CTNS: variants seen among roughly 807,000 people sequenced by gnomAD.
CTNS encodes the protein cystinosin.
In CTNS, 27 loss-of-function variants were observed where a neutral mutation model predicts 43.7. The ratio of observed to expected loss-of-function variants is 0.62; its 90% CI spans 0.46 to 0.85. The LOEUF (loss-of-function observed/expected upper bound fraction) is 0.85. Among genes scored for constraint, CTNS ranks in the 40% least tolerant of loss-of-function variants. The probability of loss-of-function intolerance (pLI) is 0.00; values close to 1 mark genes in which losing one functional copy is unlikely to be tolerated. For missense variants in CTNS, 457 were observed against 475.4 expected (o/e 0.96, Z 0.36); for synonymous variants, 187 against 190.6 (o/e 0.98, Z 0.16).
rs552349916 is a variant in CTNS at position 3,650,221 on chromosome 17, T to C, written c.225+1290T>C. Reference sequence around the variant, plus strand: ...AATGCAGGGATGAGATCAGTAGCCATGAGGCACATCAAGATGGGCTGCAAA... The same window carrying C: ...AATGCAGGGATGAGATCAGTAGCCACGAGGCACATCAAGATGGGCTGCAAA... On this transcript the variant is annotated intron_variant, in intron 5 of 11. Transcript: ENST00000046640. 6.4e-6 allele frequency: 10 copies of C among 1,550,562 alleles called. No individual in the cohort carries two copies. The South Asian group carries it at 1.1e-4, about 17-fold the overall frequency.
chr17:3,641,355 GATACATATATAT>G (rs141364687), intron 3 of CTNS, among the ~76,000 whole-genome samples: 4,727 of 62,608 alleles, frequency 0.076, 798 homozygotes, highest in South Asian at 0.092. Flanking sequence ...ACAAAAATCA[GATACATATATAT>G]ATATATATAT....
In CTNS at chr17:3,655,276, G is replaced by T. The variant is rs1350604465; in HGVS notation, c.385G>T (p.Val129Leu). ...RSSAISIINQVIGWIYFVAWS... is the reference protein window; with the variant it reads ...RSSAISIINQLIGWIYFVAWS... ...CAGCGCCATTAGCATCATAAACCAGGTGATTGGCTGGATCTACTTTGTGGC... is the reference window on the plus strand; with the variant it reads ...CAGCGCCATTAGCATCATAAACCAGTTGATTGGCTGGATCTACTTTGTGGC... The change falls in exon 7 of 12, where the codon GTG becomes TTG. Residue 129 changes from valine (V) to leucine (L), a missense_variant. By Grantham distance (32) the Val-to-Leu change is conservative. Coordinates refer to ENST00000046640, the MANE Select transcript of CTNS (RefSeq NM_004937.3). 6.2e-7 allele frequency: 1 copy of T among 1,614,190 alleles called. No homozygotes were observed. Among genetic ancestry groups the T allele is most frequent in the East Asian group, 2.2e-5 (1 of 44,864 alleles).
chr17:3,636,568 T>C (rs1362403157), upstream of CTNS: 5 of 258,222 alleles, frequency 1.9e-5, no homozygotes, highest in African/African-American at 8.9e-5. Flanking sequence ...GCGGACCTCA[T>C]CTTCCCTCAC....
intron 3 of CTNS, among the ~76,000 whole-genome samples, chr17:3,641,460 C>T (rs2075705986): frequency 7.5e-6 from 1 of 134,084 alleles, no homozygotes; most frequent in Admixed American, 8.2e-5. Context: ...GGCACGATCT[C>T]AGCCCACTGC....
At position 3,660,605 on chromosome 17, in the gene CTNS, CTTTTCT is replaced by C; in HGVS notation, c.*239_*244del. ...CACCGTCGCCTTGACACCGCCATCT[CTTTTCT>C]TTAAGGCTTCAGGCAGCGCGCACAG... On this transcript the variant is annotated 3_prime_UTR_variant, in exon 12 of 12. Coordinates refer to ENST00000046640, the MANE Select transcript of CTNS (RefSeq NM_004937.3). The C allele has an allele frequency of 6.2e-7, 1 of 1,613,380 alleles. No homozygotes were observed. The highest frequency in any genetic ancestry group is 1.1e-5 in the South Asian group (1 of 91,092).
chr17:3,660,735 C>A lies in CTNS; in HGVS notation c.*366C>A. 6.2e-7 allele frequency: 1 copy of A among 1,613,430 alleles called. No homozygotes were observed. The highest frequency in any genetic ancestry group is 8.5e-7 in the Non-Finnish European group (1 of 1,180,018). ...TTCTGCAAGCAGCTTGAAGGGCTGA[C>A]CTTGCAGCCGGGTGAGCCAAGGGCA... On this transcript the variant is annotated 3_prime_UTR_variant, in exon 12 of 12. Coordinates refer to ENST00000046640, the MANE Select transcript of CTNS (RefSeq NM_004937.3).
chr17:3,658,668 G>A, intron 10 of CTNS, among the ~76,000 whole-genome samples: 1 of 152,240 alleles, frequency 6.6e-6, no homozygotes, highest in East Asian at 1.9e-4. Context: ...GCTGCACCCG[G>A]GGACCTAGGG....
At chr17:3,656,818 A>C in intron 9 of CTNS, 23 bp downstream of exon 9, 1 of 1,612,124 alleles carries the variant, frequency 6.2e-7, no homozygotes. Context: ...CTGGCCCCCC[A>C]CAGGCCACCC....
In CTNS at chr17:3,661,809, A is replaced by AG. The variant is rs2076282383; in HGVS notation, c.*1443dup. Among the ~76,000 whole-genome samples, 1 of 151,958 alleles carries AG rather than the reference A, an allele frequency of 6.6e-6. No homozygotes were observed. Among genetic ancestry groups the AG allele is most frequent in the Non-Finnish European group, 1.5e-5 (1 of 67,990 alleles). ...TGAGCCGGGGTGGATGAGGTTCTGA[A>AG]GGGCACACCAGCACTGGGAGCGGGG... On this transcript the variant is annotated 3_prime_UTR_variant, in exon 12 of 12. Transcript: ENST00000046640.
At chr17:3,644,036 T>C (rs530740691) in intron 3 of CTNS, among the ~76,000 whole-genome samples, 1 of 152,278 alleles carries the variant, frequency 6.6e-6, no homozygotes, top group African/African-American at 2.4e-5. Context: ...GTGACTCATT[T>C]TGTAAATCTG....
chr17:3,661,098 T>G lies in CTNS; in HGVS notation c.*729T>G. 2.8e-6 allele frequency: 1 copy of G among 356,720 alleles called. No homozygotes were observed. Among genetic ancestry groups the G allele is most frequent in the Non-Finnish European group, 5.5e-6 (1 of 183,072 alleles). The allele number at this position is 356,720 out of a possible 1,614,324, so 22.1% of individuals were successfully genotyped here. On this transcript the variant is annotated 3_prime_UTR_variant, in exon 12 of 12. Transcript: ENST00000046640. ...TTCTGCCCTCTCTCCTACCTCCACC[T>G]TCTCAGATTAGCCCCATCTGAGCAC...
intron 5 of CTNS, among the ~76,000 whole-genome samples, chr17:3,649,885 G>A (rs1219078993): frequency 2.6e-5 from 4 of 152,204 alleles, no homozygotes; most frequent in Non-Finnish European, 5.9e-5. Flanking sequence ...AACTTCTGGA[G>A]AGCTATTGTA....
chr17:3,655,835 T>C (rs1210601713), intron 7 of CTNS: 1 of 251,100 alleles, frequency 4.0e-6, no homozygotes, highest in African/African-American at 2.3e-5. Flanking sequence ...TCCGGGGGCC[T>C]CCTGACTCCC....
chr17:3,662,646 A>C lies in CTNS; in HGVS notation c.*2277A>C, dbSNP rs941358064. 9.9e-5 allele frequency among the ~76,000 whole-genome samples: 15 copies of C among 152,190 alleles called. No homozygotes were observed. Among genetic ancestry groups the C allele is most frequent in the African/African-American group, 3.6e-4 (15 of 41,456 alleles). On this transcript the variant is annotated 3_prime_UTR_variant, in exon 12 of 12. Coordinates refer to ENST00000046640, the MANE Select transcript of CTNS (RefSeq NM_004937.3). Reference sequence around the variant, plus strand: ...GGGGCTTCACAGTAACACCCAAGAAAGCACACGCACCCCAGGGTCCCACCC... The same window carrying C: ...GGGGCTTCACAGTAACACCCAAGAACGCACACGCACCCCAGGGTCCCACCC...
In CTNS at chr17:3,647,513, T is replaced by G; in HGVS notation, c.131T>G (p.Leu44Arg). 27 of 1,614,082 alleles carry G rather than the reference T, an allele frequency of 1.7e-5. No homozygotes were observed. Among genetic ancestry groups the G allele is most frequent in the Non-Finnish European group, 2.3e-5 (27 of 1,179,944 alleles). The change falls in exon 4 of 12, where the codon CTC becomes CGC. Residue 44 changes from leucine to arginine, a missense_variant. Transcript: ENST00000046640. ...LENGSSTNVS[L>R]TLRPPLNATL... ...AACGGCAGCTCGACCAACGTCAGCC[T>G]CACCCTGCGGTAAGTTCCTGGGCCT...
chr17:3,660,306 C>T lies in CTNS; in HGVS notation c.1041C>T (p.Val347=), dbSNP rs779369414. 10 of 1,614,154 alleles carry T rather than the reference C, an allele frequency of 6.2e-6. No individual in the cohort carries two copies. Among genetic ancestry groups the T allele is most frequent in the East Asian group, 2.2e-5 (1 of 44,904 alleles). The change falls in exon 12 of 12, where the codon GTC becomes GTT. Residue 347 remains valine, a synonymous_variant. Transcript: ENST00000046640. ...GLGVFSIVFD[V]VFFIQHFCLY... is the part of the protein sequence containing the mutation. ...GGGTCTTCTCCATCGTCTTCGACGT[C>T]GTCTTCTTCATCCAGCACTTCTGTT...
At position 3,655,369 on chromosome 17, in the gene CTNS, T is replaced by C. The variant is rs371253182; in HGVS notation, c.461+17T>C. 6.2e-7 allele frequency: 1 copy of C among 1,613,576 alleles called. No individual in the cohort carries two copies. Among genetic ancestry groups the C allele is most frequent in the Non-Finnish European group, 8.5e-7 (1 of 1,179,966 alleles). ...GCGGAAAAGGTAACCCCCTGGGCCG[T>C]ATGTGCAGGCTCTCTCGGGGCCCCT... On this transcript the variant is annotated intron_variant, in intron 7 of 11. Coordinates refer to ENST00000046640, the MANE Select transcript of CTNS (RefSeq NM_004937.3).
rs556571025 is a variant in CTNS at position 3,654,765 on chromosome 17, C to T, written c.226-233C>T. The stretch of plus-strand genomic sequence containing the variant: ...ATCCCAGCACTTTGGGAGGCTGAGG[C>T]GGGTAGATTGCTTGAGCTCAGGAGT... On this transcript the variant is annotated intron_variant, in intron 5 of 11. Transcript: ENST00000046640. Among the ~76,000 whole-genome samples, 19 of 151,084 alleles carry T rather than the reference C, an allele frequency of 1.3e-4. No individual in the cohort carries two copies. The East Asian group carries it at 3.5e-3, about 28-fold the overall frequency.
At position 3,655,368 on chromosome 17, in the gene CTNS, G is replaced by A. The variant is rs201772152; in HGVS notation, c.461+16G>A. On this transcript the variant is annotated intron_variant, in intron 7 of 11. Transcript: ENST00000046640. The stretch of plus-strand genomic sequence containing the variant: ...GGCGGAAAAGGTAACCCCCTGGGCC[G>A]TATGTGCAGGCTCTCTCGGGGCCCC... The A allele has an allele frequency of 5.1e-4, 822 of 1,613,716 alleles. 7 individuals are homozygous for A. The South Asian group carries it at 6.7e-3, about 13-fold the overall frequency.
Sources: allele counts gnomAD v4.1 joint callset (sites outside exome capture counted in the v4.1 genomes callset), GRCh38; gene constraint gnomAD v4.1.1; transcripts MANE v1.5; gene names NCBI Gene and HGNC (gene_info 2026-07-23, HGNC 2026-07-21).